Variants in ERICH1 observed in about 807,000 individuals in gnomAD.
The protein encoded by ERICH1 is glutamate rich 1.
A neutral mutation model predicts 39.6 loss-of-function variants in ERICH1; 56 were observed. That is an observed-to-expected ratio of 1.41 (90% CI 1.14 to 1.77). The LOEUF (loss-of-function observed/expected upper bound fraction) is 1.77. Ranked by LOEUF, ERICH1 falls within the 40% of genes most tolerant of loss-of-function variation. The probability of loss-of-function intolerance (pLI) is 0.00; values close to 1 mark genes in which losing one functional copy is unlikely to be tolerated. For synonymous variants in ERICH1, 313 were observed against 223.6 expected (o/e 1.40, Z -3.57); for missense variants, 826 against 575.4 (o/e 1.44, Z -4.45).
At chr8:621,778 A>C (rs1797297323) in intron 3 of ERICH1, among the ~76,000 whole-genome samples, 1 of 152,228 alleles carries the variant, frequency 6.6e-6, no homozygotes, top group Admixed American at 6.5e-5. Flanking sequence ...TAATGACCTT[A>C]TAAAAGTAAA....
chr8:681,769 G>A (rs1352006082), intron 3 of ERICH1, among the ~76,000 whole-genome samples: 1 of 152,198 alleles, frequency 6.6e-6, no homozygotes, highest in Non-Finnish European at 1.5e-5. Flanking sequence ...GTGGAAAGAT[G>A]GCCAGCAGAG....
chr8:639,312 G>A (rs11775671), intron 3 of ERICH1, among the ~76,000 whole-genome samples: 57,617 of 151,988 alleles, frequency 0.38, 11,118 homozygotes, highest in South Asian at 0.47. Flanking sequence ...TGTGACCCCA[G>A]GTCATGCTGC....
In ERICH1 at chr8:688,484, C is replaced by T. The variant is rs552149818; in HGVS notation, c.304+3994G>A. On this transcript the variant is annotated intron_variant, in intron 3 of 5. Coordinates refer to ENST00000262109, the MANE Select transcript of ERICH1 (RefSeq NM_207332.3). Reference sequence around the variant, plus strand: ...ACAAAGGAGCCTCCCCAGCTAGGGTCAGCTCCTACAACGCCACGGCCCTCC... The same window carrying T: ...ACAAAGGAGCCTCCCCAGCTAGGGTTAGCTCCTACAACGCCACGGCCCTCC... Among the ~76,000 whole-genome samples, 173 of 151,924 alleles carry T rather than the reference C, an allele frequency of 1.1e-3. 1 individual carries two copies. Among genetic ancestry groups the T allele is most frequent in the African/African-American group, 4.1e-3 (168 of 41,386 alleles).
At chr8:633,647 C>G (rs1357821156) in intron 3 of ERICH1, among the ~76,000 whole-genome samples, 1 of 152,190 alleles carries the variant, frequency 6.6e-6, no homozygotes. Context: ...TGCCAAGCCA[C>G]AGGAATGAAA....
At chr8:649,468 G>T (rs1266755989) in intron 3 of ERICH1, among the ~76,000 whole-genome samples, 2 of 152,234 alleles carry the variant, frequency 1.3e-5, no homozygotes, top group Admixed American at 6.5e-5. Context: ...CAAGCACAGA[G>T]AATTCCAGGG....
At chr8:629,602 C>T in intron 3 of ERICH1, among the ~76,000 whole-genome samples, 2 of 109,652 alleles carry the variant, frequency 1.8e-5, no homozygotes, top group African/African-American at 3.5e-5. Context: ...AGAGACAGAG[C>T]TGACTCACAC....
chr8:628,179 T>C (rs908625976), intron 3 of ERICH1, among the ~76,000 whole-genome samples: 1 of 152,188 alleles, frequency 6.6e-6, no homozygotes, highest in Non-Finnish European at 1.5e-5. Flanking sequence ...CTGGAAGTGC[T>C]GTGTGTGGAA....
chr8:719,586 G>C (rs1207024453), intron 1 of ERICH1, among the ~76,000 whole-genome samples: 1 of 152,216 alleles, frequency 6.6e-6, no homozygotes, highest in Non-Finnish European at 1.5e-5. Flanking sequence ...CGCGGGACCA[G>C]ATCCTTTTCC....
chr8:668,929 C>T (rs999057575), intron 4 of ERICH1, 137 bp from the exon 5 acceptor site: 1 of 772,460 alleles, frequency 1.3e-6, no homozygotes, highest in African/African-American at 1.7e-5. Flanking sequence ...TGAGAAGCTA[C>T]CAGAAGAGAG....
intron 5 of ERICH1, chr8:667,964 ACTC>A (rs1802534689): frequency 6.5e-6 from 1 of 153,210 alleles, no homozygotes; most frequent in Non-Finnish European, 1.4e-5. Flanking sequence ...ACCCTCCTCC[ACTC>A]CTCCTCTGGG....
At chr8:660,928 G>C (rs1234722535), downstream of ERICH1, among the ~76,000 whole-genome samples, 1 of 152,102 alleles carries the variant, frequency 6.6e-6, no homozygotes, top group African/African-American at 2.4e-5. Flanking sequence ...GTCCTGGGCG[G>C]TTCTCAGGCT....
At chr8:700,199 G>A (rs547110573) in intron 2 of ERICH1, among the ~76,000 whole-genome samples, 10 of 83,906 alleles carry the variant, frequency 1.2e-4, no homozygotes, top group South Asian at 4.4e-4. Flanking sequence ...ACGCGCACAG[G>A]CCGGCACAGG....
At chr8:715,132 T>C (rs1248740994) in intron 2 of ERICH1, among the ~76,000 whole-genome samples, 1 of 151,954 alleles carries the variant, frequency 6.6e-6, no homozygotes, top group African/African-American at 2.4e-5. Flanking sequence ...TCTTCCCACA[T>C]CTCTCAGTGG....
chr8:717,080 C>T (rs1426498265), intron 1 of ERICH1, among the ~76,000 whole-genome samples: 1 of 152,172 alleles, frequency 6.6e-6, no homozygotes, highest in Non-Finnish European at 1.5e-5. Context: ...GAGTGAGGTG[C>T]AGTGTGGTCA....
At position 646,082 on chromosome 8, in the gene ERICH1, C is replaced by T. The variant is rs1393807618; in HGVS notation, c.976+22516G>A. 1.6e-4 allele frequency among the ~76,000 whole-genome samples: 11 copies of T among 69,600 alleles called. 4 individuals carry two copies. The East Asian group carries it at 2.7e-3, about 17-fold the overall frequency. The allele number at this position is 69,600 out of a possible 152,430, so 45.7% of individuals were successfully genotyped here. A position where few individuals can be genotyped will look rare whatever the true frequency, so the allele number is the denominator to read the frequency against. The stretch of plus-strand genomic sequence containing the variant: ...AAAGCAGGAGCTGTTATAATTCTTT[C>T]TCTGAAGGTTTGGCATTGGCCTTGC... On this transcript the variant is annotated intron_variant, in intron 3 of 3. Coordinates refer to the ERICH1 transcript ENST00000522706.
chr8:677,142 G>A (rs774646411), intron 3 of ERICH1, among the ~76,000 whole-genome samples: 1 of 152,176 alleles, frequency 6.6e-6, no homozygotes, highest in African/African-American at 2.4e-5. Context: ...CGCCAGCTGC[G>A]GACACCGCAA....
intron 4 of ERICH1, chr8:672,116 T>G (rs1427331946): frequency 6.5e-6 from 1 of 152,792 alleles, no homozygotes; most frequent in Non-Finnish European, 1.5e-5. Context: ...TATGAGCTGT[T>G]TTCCTGAGTA....
intron 3 of ERICH1, among the ~76,000 whole-genome samples, chr8:685,431 C>T (rs1410599507): frequency 2.6e-5 from 4 of 152,108 alleles, no homozygotes; most frequent in African/African-American, 9.7e-5. Flanking sequence ...TTAACGCAAC[C>T]ATCACAGGGT....
chr8:616,904 G>C lies in ERICH1; in HGVS notation c.977-1620C>G, dbSNP rs1413770661. Among the ~76,000 whole-genome samples, 33 of 46,678 alleles carry C rather than the reference G, an allele frequency of 7.1e-4. 7 individuals carry two copies. The highest frequency in any genetic ancestry group is 2.2e-3 in the South Asian group (3 of 1,350). The allele number at this position is 46,678 out of a possible 152,430, so 30.6% of individuals were successfully genotyped here. ...GGAGACAGAGACACACACACACACA[G>C]AGAGAGAGAGAGAGACAGAAAGAGA... On this transcript the variant is annotated intron_variant, in intron 3 of 3. Transcript: ENST00000522706.
Sources: allele counts gnomAD v4.1 joint callset (sites outside exome capture counted in the v4.1 genomes callset), GRCh38; gene constraint gnomAD v4.1.1; transcripts MANE v1.5; gene names NCBI Gene and HGNC (gene_info 2026-07-23, HGNC 2026-07-21).